LRP1B: variants seen among roughly 807,000 people sequenced by gnomAD.
The protein encoded by LRP1B is LDL receptor related protein 1B, also known as low-density lipoprotein receptor-related protein 1B.
A neutral mutation model predicts 556.6 loss-of-function variants in LRP1B; 217 were observed. The observed-to-expected ratio is 0.39, with a 90% CI of 0.35 to 0.44. The LOEUF is 0.44. Ranked by LOEUF, LRP1B falls within the 20% of genes least tolerant of loss-of-function variation. The probability of loss-of-function intolerance (pLI) is 1.00; values close to 1 mark genes in which losing one functional copy is unlikely to be tolerated. For missense variants in LRP1B, 5,053 were observed against 5,620.8 expected (o/e 0.90, Z 3.23); for synonymous variants, 2,047 against 1,865.8 (o/e 1.10, Z -2.50).
intron 7 of LRP1B, among the ~76,000 whole-genome samples, chr2:141,177,263 G>C (rs918348559): frequency 6.6e-6 from 1 of 151,964 alleles, no homozygotes; most frequent in African/African-American, 2.4e-5. Context: ...ATGTGCATTG[G>C]GCTCTAATTT....
At chr2:141,158,802 T>G (rs1233359130) in intron 7 of LRP1B, among the ~76,000 whole-genome samples, 2 of 152,088 alleles carry the variant, frequency 1.3e-5, no homozygotes, top group Non-Finnish European at 2.9e-5. Flanking sequence ...TACAGATAAT[T>G]TTGAGTGCCA....
chr2:141,159,335 CATTA>C (rs1467265627), intron 7 of LRP1B, among the ~76,000 whole-genome samples: 1 of 151,990 alleles, frequency 6.6e-6, no homozygotes. Flanking sequence ...AGTATATGCT[CATTA>C]ATTGATACTA....
intron 1 of LRP1B, among the ~76,000 whole-genome samples, chr2:142,043,216 A>T (rs1704123439): frequency 6.6e-6 from 1 of 151,630 alleles, no homozygotes; most frequent in African/African-American, 2.4e-5. Context: ...CAATATCCAG[A>T]TACATCATAT....
At chr2:140,583,260 T>C (rs57430651) in intron 43 of LRP1B, among the ~76,000 whole-genome samples, 16,463 of 145,804 alleles carry the variant, frequency 0.11, 1,104 homozygotes, top group African/African-American at 0.17. Context: ...ACTCAACTTC[T>C]GCCTTCCAGG....
At chr2:142,063,668 A>G (rs1338454109) in intron 1 of LRP1B, among the ~76,000 whole-genome samples, 1 of 151,638 alleles carries the variant, frequency 6.6e-6, no homozygotes, top group African/African-American at 2.4e-5. Flanking sequence ...ACTGTTTAAT[A>G]CCTAGAAATT....
intron 7 of LRP1B, among the ~76,000 whole-genome samples, chr2:141,122,744 T>C (rs1245708980): frequency 6.6e-6 from 1 of 152,152 alleles, no homozygotes; most frequent in African/African-American, 2.4e-5. Flanking sequence ...GCCATCCCAT[T>C]ACTGGGCATA....
intron 1 of LRP1B, among the ~76,000 whole-genome samples, chr2:141,925,495 C>T (rs1421678713): frequency 6.6e-6 from 1 of 152,114 alleles, no homozygotes; most frequent in East Asian, 1.9e-4. Context: ...GAGAGGAATT[C>T]ATAAATCTAT....
At chr2:140,541,675 T>A (rs963239570) in intron 44 of LRP1B, 104 bp downstream of exon 44, 3 of 942,152 alleles carry the variant, frequency 3.2e-6, no homozygotes, top group African/African-American at 3.3e-5. Flanking sequence ...TAATATTTTT[T>A]AAAAGAAAAA....
chr2:140,882,828 T>C (rs1265140011), intron 25 of LRP1B, among the ~76,000 whole-genome samples: 1 of 152,168 alleles, frequency 6.6e-6, no homozygotes, highest in Non-Finnish European at 1.5e-5. Context: ...TCCCTGCTCA[T>C]TGGAGCTCCT....
At chr2:142,031,335 T>TTTTTTTA (rs1553506181) in intron 1 of LRP1B, among the ~76,000 whole-genome samples, 1 of 136,676 alleles carries the variant, frequency 7.3e-6, no homozygotes, top group Non-Finnish European at 1.6e-5. Context: ...TACTTATTTT[T>TTTTTTTA]TTTTTTTTTT....
chr2:141,398,211 A>C (rs953150837), intron 3 of LRP1B, among the ~76,000 whole-genome samples: 4 of 152,204 alleles, frequency 2.6e-5, no homozygotes, highest in African/African-American at 9.6e-5. Flanking sequence ...AAAAGAATGC[A>C]AATCAACTCA....
At chr2:141,002,168 T>C (rs1239493095) in intron 15 of LRP1B, among the ~76,000 whole-genome samples, 1 of 152,038 alleles carries the variant, frequency 6.6e-6, no homozygotes, top group Non-Finnish European at 1.5e-5. Context: ...AGTTTACCTC[T>C]GAGAACTATC....
chr2:140,335,409 A>G (rs1681030609), intron 78 of LRP1B, among the ~76,000 whole-genome samples: 1 of 152,018 alleles, frequency 6.6e-6, no homozygotes, highest in Non-Finnish European at 1.5e-5. Flanking sequence ...AATGCATAAT[A>G]CAGGAATATT....
intron 2 of LRP1B, among the ~76,000 whole-genome samples, chr2:141,754,274 C>G (rs1694242979): frequency 6.6e-6 from 1 of 151,988 alleles, no homozygotes; most frequent in African/African-American, 2.4e-5. Flanking sequence ...AGATTGCTTT[C>G]CATTAGCATG....
intron 35 of LRP1B, among the ~76,000 whole-genome samples, chr2:140,756,308 T>C (rs115123643): frequency 0.013 from 1,914 of 152,102 alleles, 35 homozygotes; most frequent in African/African-American, 0.044. Flanking sequence ...TCTGCTAGTT[T>C]ATTTGCCAAA....
At chr2:142,039,588 G>T (rs531217592) in intron 1 of LRP1B, among the ~76,000 whole-genome samples, 1 of 151,438 alleles carries the variant, frequency 6.6e-6, no homozygotes, top group Non-Finnish European at 1.5e-5. Context: ...GAATTCCTGG[G>T]GTAGATGGGA....
At position 141,395,377 on chromosome 2, in the gene LRP1B, G is replaced by C. The variant is rs1038472896; in HGVS notation, c.343+85019C>G. Among the ~76,000 whole-genome samples the C allele has an allele frequency of 2.0e-5, 3 of 151,822 alleles. No individual in the cohort carries two copies. In the East Asian group the frequency reaches 5.8e-4, roughly 29 times the overall value. Reference sequence around the variant, plus strand: ...TTGATACACAAGTTCTTATTATTTTGTTACATTTGCTTACAGCATTTGGTA... The same window carrying C: ...TTGATACACAAGTTCTTATTATTTTCTTACATTTGCTTACAGCATTTGGTA... On this transcript the variant is annotated intron_variant, in intron 3 of 90. Coordinates refer to ENST00000389484, the MANE Select transcript of LRP1B (RefSeq NM_018557.3).
intron 1 of LRP1B, among the ~76,000 whole-genome samples, chr2:141,817,918 C>T (rs1172107955): frequency 6.6e-6 from 1 of 152,128 alleles, no homozygotes; most frequent in Non-Finnish European, 1.5e-5. Context: ...TTGCATTAAA[C>T]AGCAATATCC....
chr2:141,848,664 A>G (rs1697740356), intron 1 of LRP1B, among the ~76,000 whole-genome samples: 1 of 151,560 alleles, frequency 6.6e-6, no homozygotes, highest in Non-Finnish European at 1.5e-5. Context: ...AACTCTGTGC[A>G]TGGTTTCAAA....
Sources: allele counts gnomAD v4.1 joint callset (sites outside exome capture counted in the v4.1 genomes callset), GRCh38; gene constraint gnomAD v4.1.1; transcripts MANE v1.5; gene names NCBI Gene and HGNC (gene_info 2026-07-23, HGNC 2026-07-21).